The following KCND3 variants were observed in gnomAD, a reference collection of about 807,000 sequenced individuals.
KCND3 encodes A-type voltage-gated potassium channel KCND3.
In KCND3, 9 loss-of-function variants were observed where a neutral mutation model predicts 51.1. That is an observed-to-expected ratio of 0.18 (90% confidence interval 0.11 to 0.31). The LOEUF is 0.31. Ranked by LOEUF, KCND3 falls within the 10% of genes least tolerant of loss-of-function variation. The pLI is 1.00. For missense variants in KCND3, 526 were observed against 903.8 expected (o/e 0.58, Z 5.36); for synonymous variants, 349 against 368.0 (o/e 0.95, Z 0.59).
rs144931435 is a variant in KCND3 at position 111,777,909 on chromosome 1, G to A, written c.1518+527C>T. Reference sequence around the variant, plus strand: ...CCTAGGTCAAGTGTAAGCATGGGAAGGGATTGCTAACTGTCTCCTGACTGG... The same window carrying A: ...CCTAGGTCAAGTGTAAGCATGGGAAAGGATTGCTAACTGTCTCCTGACTGG... On this transcript the variant is annotated intron_variant, in intron 6 of 7. Transcript: ENST00000302127. 1.3e-3 allele frequency among the ~76,000 whole-genome samples: 200 copies of A among 152,312 alleles called. 1 individual carries two copies. Among genetic ancestry groups the A allele is most frequent in the African/African-American group, 4.7e-3 (197 of 41,568 alleles).
chr1:111,967,890 C>A (rs949267502), intron 2 of KCND3, among the ~76,000 whole-genome samples: 4 of 152,178 alleles, frequency 2.6e-5, no homozygotes, highest in Non-Finnish European at 5.9e-5. Context: ...TGGCCCCACA[C>A]CCACATCTCC....
intron 3 of KCND3, among the ~76,000 whole-genome samples, chr1:111,786,021 A>T (rs1282672879): frequency 6.6e-6 from 1 of 152,244 alleles, no homozygotes; most frequent in African/African-American, 2.4e-5. Flanking sequence ...GGCTCTGGCC[A>T]TAACCCCTGG....
At chr1:111,952,166 G>T (rs1027914159) in intron 2 of KCND3, among the ~76,000 whole-genome samples, 16 of 152,156 alleles carry the variant, frequency 1.1e-4, no homozygotes, top group Middle Eastern at 6.3e-3. Context: ...AGCCTTAGGG[G>T]GTCGGGAGTC....
intron 2 of KCND3, among the ~76,000 whole-genome samples, chr1:111,831,793 G>C (rs943304159): frequency 5.9e-5 from 9 of 152,148 alleles, no homozygotes; most frequent in African/African-American, 2.2e-4. Flanking sequence ...CATCTTCAGA[G>C]ATACACTGAT....
intron 2 of KCND3, among the ~76,000 whole-genome samples, chr1:111,859,307 C>G (rs1668230192): frequency 6.6e-6 from 1 of 152,200 alleles, no homozygotes; most frequent in African/African-American, 2.4e-5. Context: ...TTTGGGCCAT[C>G]TTGGTCTCAG....
chr1:111,917,122 C>T (rs780037011), intron 2 of KCND3, among the ~76,000 whole-genome samples: 1 of 152,220 alleles, frequency 6.6e-6, no homozygotes, highest in Non-Finnish European at 1.5e-5. Flanking sequence ...AAAAATCCTA[C>T]AGCTAACATC....
At chr1:111,926,129 A>G (rs1671684806) in intron 2 of KCND3, among the ~76,000 whole-genome samples, 1 of 152,032 alleles carries the variant, frequency 6.6e-6, no homozygotes, top group Admixed American at 6.5e-5. Context: ...TGTGTGATTC[A>G]CTCCACAGTT....
Position 111,772,229 on chromosome 1 carries a change from A to C in KCND3, c.*3848T>G, listed in dbSNP as rs1403693161. ...ACAAGGAGTATAAAAGGTATGCTTC[A>C]AAATGTCACTGTCCTAGTCTTCTCT... On this transcript the variant is annotated 3_prime_UTR_variant, in exon 8 of 8. Transcript: ENST00000302127. The C allele has an allele frequency of 6.6e-6, 1 of 152,188 alleles. No homozygotes were observed. Among genetic ancestry groups the C allele is most frequent in the East Asian group, 1.9e-4 (1 of 5,200 alleles). The allele number at this position is 152,188 out of a possible 1,614,324, so 9.4% of individuals were successfully genotyped here. A position where few individuals can be genotyped will look rare whatever the true frequency, so the allele number is the denominator to read the frequency against.
intron 2 of KCND3, among the ~76,000 whole-genome samples, chr1:111,837,759 T>C (rs1667130074): frequency 6.6e-6 from 1 of 152,170 alleles, no homozygotes; most frequent in African/African-American, 2.4e-5. Context: ...AAGCTGTGTC[T>C]AATTTAGATG....
At chr1:111,935,773 A>G (rs1299420722) in intron 2 of KCND3, among the ~76,000 whole-genome samples, 1 of 152,184 alleles carries the variant, frequency 6.6e-6, no homozygotes, top group Non-Finnish European at 1.5e-5. Context: ...AGAGGGGCCG[A>G]GGGGCCAAGG....
At position 111,885,274 on chromosome 1, in the gene KCND3, G is replaced by A. The variant is rs113409311; in HGVS notation, c.1106+96347C>T. Among the ~76,000 whole-genome samples the A allele has an allele frequency of 4.6e-3, 702 of 152,286 alleles. 2 individuals are homozygous for A. The highest frequency in any genetic ancestry group is 8.3e-3 in the Non-Finnish European group (565 of 68,020). On this transcript the variant is annotated intron_variant, in intron 2 of 7. Transcript: ENST00000302127. Reference sequence around the variant, plus strand: ...TTATGACGGGCATCAGCCTGGGCACGTCCACGTTCACAAACCTCCAGCCTC... The same window carrying A: ...TTATGACGGGCATCAGCCTGGGCACATCCACGTTCACAAACCTCCAGCCTC...
At chr1:111,806,617 C>G (rs1665584018) in intron 2 of KCND3, among the ~76,000 whole-genome samples, 1 of 152,058 alleles carries the variant, frequency 6.6e-6, no homozygotes, top group Non-Finnish European at 1.5e-5. Context: ...TTGAATAAAC[C>G]CTTCTGCTGA....
intron 2 of KCND3, among the ~76,000 whole-genome samples, chr1:111,975,514 C>T (rs1212475487): frequency 6.6e-6 from 1 of 152,178 alleles, no homozygotes; most frequent in Non-Finnish European, 1.5e-5. Flanking sequence ...TGCCACCACC[C>T]TCAGTCCCAG....
In KCND3 at chr1:111,780,872, G is replaced by A. The variant is rs902262140; in HGVS notation, c.1270-81C>T. On this transcript the variant is annotated intron_variant, in intron 3 of 7. Transcript: ENST00000302127. The surrounding 1 kb of genome is among the most constrained non-coding windows in gnomAD (Gnocchi z 4.2). ...CAAGGCTGGTGAAGCTGTGAGGCTG[G>A]CTTCCCAGGTGACACCTGATGAAGG... 15 of 1,210,120 alleles carry A rather than the reference G, an allele frequency of 1.2e-5. No individual in the cohort carries two copies. Among genetic ancestry groups the A allele is most frequent in the Non-Finnish European group, 1.8e-5 (15 of 839,722 alleles). The allele number at this position is 1,210,120 out of a possible 1,614,324, so 75.0% of individuals were successfully genotyped here.
intron 3 of KCND3, among the ~76,000 whole-genome samples, chr1:111,782,914 A>G (rs1225697626): frequency 6.6e-6 from 1 of 152,148 alleles, no homozygotes; most frequent in Non-Finnish European, 1.5e-5. Context: ...GTGGGGCTCT[A>G]TGGCTTGGTT....
chr1:111,942,340 T>C (rs12144965), intron 2 of KCND3, among the ~76,000 whole-genome samples: 18,702 of 151,984 alleles, frequency 0.12, 1,458 homozygotes, highest in Middle Eastern at 0.19. Flanking sequence ...AGACAGATGG[T>C]AAAACAAATA....
At position 111,776,169 on chromosome 1, in the gene KCND3, C is replaced by T. The variant is rs760710842; in HGVS notation, c.1876G>A (p.Glu626Lys). The T allele has an allele frequency of 1.2e-6, 2 of 1,614,148 alleles. No individual in the cohort carries two copies. Among genetic ancestry groups the T allele is most frequent in the South Asian group, 2.2e-5 (2 of 91,082 alleles). ...GCAGGGGGTGGCCGACTTTCCCCCT[C>T]TGGGGTTAGCGCTGGGGGAGTGGGG... is the stretch of plus-strand genomic sequence containing the variant. ...SIPTPPALTPEGESRPPPASP... is the reference protein window; with the variant it reads ...SIPTPPALTPKGESRPPPASP... The change falls in exon 8 of 8, where the codon GAG becomes AAG. Residue 626 changes from glutamate (E) to lysine (K), a missense_variant. Physicochemically the swap from Glu to Lys is moderately conservative, Grantham distance 56. Around this residue, in one of 5 missense-constraint regions of KCND3, gnomAD observed 266 missense variants for 305.5 expected, o/e 0.87. Transcript: ENST00000302127.
chr1:111,902,812 C>T (rs1670453953), intron 2 of KCND3, among the ~76,000 whole-genome samples: 1 of 152,188 alleles, frequency 6.6e-6, no homozygotes. Context: ...AATACTGTGC[C>T]TGGAATATAC....
At chr1:111,851,318 T>G (rs1667806324) in intron 2 of KCND3, among the ~76,000 whole-genome samples, 1 of 152,212 alleles carries the variant, frequency 6.6e-6, no homozygotes. Context: ...CTAACACATG[T>G]GGTAGGTGCT....
Sources: gnomAD v4.1 joint callset for allele counts (sites outside exome capture counted in the v4.1 genomes callset) on GRCh38, gnomAD v4.1.1 for gene constraint, gnomAD v4.1.1 regional missense constraint, Gnocchi (gnomAD v3.1) non-coding constraint, MANE v1.5 for transcripts, NCBI Gene and HGNC (gene_info 2026-07-23, HGNC 2026-07-21) for gene names.